SULT1B1: variants seen among roughly 807,000 people sequenced by gnomAD.
The protein encoded by SULT1B1 is sulfotransferase family 1B member 1.
In SULT1B1, 28 loss-of-function variants were observed where a neutral mutation model predicts 34.6. The ratio of observed to expected loss-of-function variants is 0.81; its 90% CI spans 0.60 to 1.11. SULT1B1 has a LOEUF of 1.11. Ranked by LOEUF, SULT1B1 falls within the 50% of genes least tolerant of loss-of-function variation. The pLI is 0.00. For synonymous variants in SULT1B1, 147 were observed against 110.2 expected (o/e 1.33, Z -2.09); for missense variants, 374 against 352.2 (o/e 1.06, Z -0.50).
rs1365271503 is a variant in SULT1B1, at chr4:69,723,307, C to T, written c.*3781G>A. The stretch of plus-strand genomic sequence containing the variant: ...GGATAAATTCCTCGACACATACACC[C>T]TCCCAAGAATAAACCAGGAAGAAGT... On this transcript the variant is annotated 3_prime_UTR_variant, in exon 8 of 8. Coordinates refer to ENST00000310613, the MANE Select transcript of SULT1B1 (RefSeq NM_014465.4). 1 of 152,120 alleles carries T rather than the reference C, an allele frequency of 6.6e-6. No homozygotes were observed. The highest frequency in any genetic ancestry group is 1.5e-5 in the Non-Finnish European group (1 of 68,024). 9.4% of individuals were successfully genotyped at this position (152,120 alleles called of 1,614,324 possible). A position where few individuals can be genotyped will look rare whatever the true frequency, so the allele number is the denominator to read the frequency against.
At chr4:69,748,025 T>G (rs1287801224) in intron 4 of SULT1B1, among the ~76,000 whole-genome samples, 1 of 152,032 alleles carries the variant, frequency 6.6e-6, no homozygotes, top group East Asian at 1.9e-4. Context: ...GTCAACCATC[T>G]TGGCTCTATC....
chr4:69,736,590 G>A (rs1718322202), intron 4 of SULT1B1, among the ~76,000 whole-genome samples: 1 of 150,538 alleles, frequency 6.6e-6, no homozygotes, highest in Non-Finnish European at 1.5e-5. Context: ...ACCCACAAAA[G>A]TTAAAAATTG....
Position 69,721,246 on chromosome 4 carries a change from T to A in SULT1B1, c.*5842A>T, listed in dbSNP as rs942764638. 2.0e-5 allele frequency: 3 copies of A among 152,178 alleles called. No individual in the cohort carries two copies. Among genetic ancestry groups the A allele is most frequent in the African/African-American group, 7.2e-5 (3 of 41,446 alleles). 9.4% of individuals were successfully genotyped at this position (152,178 alleles called of 1,614,324 possible). On this transcript the variant is annotated 3_prime_UTR_variant, in exon 8 of 8. Coordinates refer to ENST00000310613, the MANE Select transcript of SULT1B1 (RefSeq NM_014465.4). ...TTCACTGCTGAAAGTAATGTCTCGA[T>A]AATGTGGAAATTTTACATATATATA...
chr4:69,737,291 A>G (rs890210162), intron 4 of SULT1B1, among the ~76,000 whole-genome samples: 3 of 152,206 alleles, frequency 2.0e-5, no homozygotes, highest in African/African-American at 7.2e-5. Flanking sequence ...ACATTCTCAG[A>G]AAAAGGAAAA....
chr4:69,742,913 G>A (rs1252543515), intron 4 of SULT1B1, among the ~76,000 whole-genome samples: 1 of 152,226 alleles, frequency 6.6e-6, no homozygotes, highest in Non-Finnish European at 1.5e-5. Flanking sequence ...GGCTGCAGCT[G>A]GACCAGGCAC....
Position 69,747,296 on chromosome 4 carries a change from G to A in SULT1B1, c.375+2425C>T, listed in dbSNP as rs544557054. Among the ~76,000 whole-genome samples, 9 of 152,320 alleles carry A rather than the reference G, an allele frequency of 5.9e-5. No individual in the cohort carries two copies. The South Asian group carries it at 1.9e-3, about 32-fold the overall frequency. On this transcript the variant is annotated intron_variant, in intron 4 of 7. Transcript: ENST00000310613. The stretch of plus-strand genomic sequence containing the variant: ...TACTGAGCACTGGTGGGAGAAGACT[G>A]AAAGTGAATCTGCACCAGTAGGGAT...
chr4:69,729,778 A>G (rs1717992330), intron 7 of SULT1B1, among the ~76,000 whole-genome samples: 1 of 152,124 alleles, frequency 6.6e-6, no homozygotes, highest in Admixed American at 6.5e-5. Context: ...CAATTCAATC[A>G]AAGATATTGA....
At chr4:69,746,503 T>G (rs1264294136) in intron 4 of SULT1B1, among the ~76,000 whole-genome samples, 1 of 152,222 alleles carries the variant, frequency 6.6e-6, no homozygotes, top group African/African-American at 2.4e-5. Flanking sequence ...ATTATTAATG[T>G]TTCCCATTGT....
Position 69,749,789 on chromosome 4 carries a change from G to A in SULT1B1, c.307C>T (p.Pro103Ser), listed in dbSNP as rs570066281. 1 of 1,613,518 alleles carries A rather than the reference G, an allele frequency of 6.2e-7. No homozygotes were observed. Among genetic ancestry groups the A allele is most frequent in the South Asian group, 1.1e-5 (1 of 91,076 alleles). The stretch of plus-strand genomic sequence containing the variant: ...GGTAGATGTGTTTTCACAATCCGGG[G>A]TGATGGATTCTTCTCCAATTGTTCT... ...GIEQLEKNPS[P>S]RIVKTHLPTD... The change falls in exon 4 of 8, where the codon CCC (proline) becomes TCC (serine). Residue 103 changes from proline to serine, a missense_variant. Pro to Ser is a moderately conservative substitution (Grantham distance 74). Transcript: ENST00000310613.
intron 6 of SULT1B1, among the ~76,000 whole-genome samples, chr4:69,733,098 T>C (rs1330448437): frequency 6.6e-6 from 1 of 152,050 alleles, no homozygotes; most frequent in African/African-American, 2.4e-5. Context: ...TTAAAAACAA[T>C]GTTAAAATAT....
Position 69,746,712 on chromosome 4 carries a change from C to T in SULT1B1, c.375+3009G>A, listed in dbSNP as rs796912010. On this transcript the variant is annotated intron_variant, in intron 4 of 7. Coordinates refer to ENST00000310613, the MANE Select transcript of SULT1B1 (RefSeq NM_014465.4). ...TGTCTGTCATTTCAACAATTTCAAT[C>T]TGGCTAACAACCATTGCTGGCAAGC... Among the ~76,000 whole-genome samples the T allele has an allele frequency of 3.5e-4, 54 of 152,300 alleles. 1 individual carries two copies. The highest frequency in any genetic ancestry group is 1.3e-3 in the African/African-American group (52 of 41,564).
chr4:69,746,255 C>T (rs973437722), intron 4 of SULT1B1, among the ~76,000 whole-genome samples: 1 of 152,190 alleles, frequency 6.6e-6, no homozygotes, highest in Non-Finnish European at 1.5e-5. Context: ...TTGACTTCTC[C>T]ATCAAGGTTG....
chr4:69,734,869 A>G, intron 4 of SULT1B1, among the ~76,000 whole-genome samples: 1 of 140,172 alleles, frequency 7.1e-6, no homozygotes, highest in African/African-American at 2.7e-5. Context: ...CCCAGGCTGG[A>G]GTGCAGTGGT....
intron 7 of SULT1B1, among the ~76,000 whole-genome samples, chr4:69,730,158 G>A (rs1431004618): frequency 6.6e-6 from 1 of 152,080 alleles, no homozygotes; most frequent in East Asian, 1.9e-4. Context: ...TCACTGAGGA[G>A]CAGAAGGAAG....
At position 69,734,387 on chromosome 4, in the gene SULT1B1, G is replaced by A. The variant is rs550707562; in HGVS notation, c.376-123C>T. The stretch of plus-strand genomic sequence containing the variant: ...TTTCAAATAGAAATTGTGGGCCAGG[G>A]AGGCCCTTCTATTAACAGCTAAAAT... On this transcript the variant is annotated intron_variant, in intron 4 of 7. Coordinates refer to ENST00000310613, the MANE Select transcript of SULT1B1 (RefSeq NM_014465.4). 4 of 1,053,042 alleles carry A rather than the reference G, an allele frequency of 3.8e-6. No homozygotes were observed. In the East Asian group the frequency reaches 8.7e-5, roughly 23 times the overall value. The allele number at this position is 1,053,042 out of a possible 1,614,324, so 65.2% of individuals were successfully genotyped here. A position where few individuals can be genotyped will look rare whatever the true frequency, so the allele number is the denominator to read the frequency against.
At chr4:69,751,506 C>T (rs1718980346) in intron 3 of SULT1B1, among the ~76,000 whole-genome samples, 2 of 152,214 alleles carry the variant, frequency 1.3e-5, no homozygotes, top group Admixed American at 1.3e-4. Context: ...GGCTGGAGTG[C>T]AGTGGCGCGA....
At chr4:69,755,949 A>C (rs1159041447) in intron 1 of SULT1B1, among the ~76,000 whole-genome samples, 1 of 152,078 alleles carries the variant, frequency 6.6e-6, no homozygotes, top group African/African-American at 2.4e-5. Flanking sequence ...CACAGCTGAG[A>C]GATTATCTAT....
rs141660078 is a variant in SULT1B1, at chr4:69,730,507, G to C, written c.772C>G (p.Arg258Gly). 329 of 1,598,784 alleles carry C rather than the reference G, an allele frequency of 2.1e-4. 2 individuals carry two copies. In the African/African-American group the frequency reaches 4.0e-3, roughly 20 times the overall value. ...VMDHSKSPFM[R>G]KGTAGDWKNY... ...AACCCAGCAAAGTATTTACCTTTAC[G>C]CATAAAAGGGGATTTGCTATGATCC... Residue 258 changes from arginine (R) to glycine (G), a missense_variant, in exon 7 of 8, where the codon CGT becomes GGT. Arg to Gly is a moderately radical substitution (Grantham distance 125). Transcript: ENST00000310613.
chr4:69,742,756 G>A (rs556419660), intron 4 of SULT1B1, among the ~76,000 whole-genome samples: 5 of 152,322 alleles, frequency 3.3e-5, no homozygotes, highest in Admixed American at 6.5e-5. Flanking sequence ...CATGCCTGCC[G>A]AGGGTGAGCC....
Sources: allele counts gnomAD v4.1 joint callset (sites outside exome capture counted in the v4.1 genomes callset), GRCh38; gene constraint gnomAD v4.1.1; transcripts MANE v1.5; gene names NCBI Gene and HGNC (gene_info 2026-07-23, HGNC 2026-07-21).